The following PTPRT variants were observed in gnomAD, a reference collection of about 807,000 sequenced individuals.
PTPRT encodes protein tyrosine phosphatase receptor type T.
Under a neutral mutation model 176.8 loss-of-function variants are expected in PTPRT, and 56 were observed. The observed-to-expected ratio is 0.32, with a 90% confidence interval of 0.26 to 0.40. The LOEUF is 0.40. Among genes scored for constraint, PTPRT ranks in the 10% least tolerant of loss-of-function variants. The pLI, the probability that PTPRT is intolerant of heterozygous loss-of-function variation, is 1.00. For synonymous variants in PTPRT, 783 were observed against 739.0 expected, an observed-to-expected ratio of 1.06 and a Z score of -0.96; for missense variants, 1,540 against 1,908.2, an observed-to-expected ratio of 0.81 and a Z score of 3.60.
At chr20:42,856,076 C>G (rs867048817) in intron 2 of PTPRT, among the ~76,000 whole-genome samples, 30 of 152,104 alleles carry the variant, frequency 2.0e-4, no homozygotes, top group African/African-American at 7.2e-4. Context: ...GGTGAGCAAA[C>G]TGAAGCTTTA....
intron 6 of PTPRT, among the ~76,000 whole-genome samples, chr20:42,708,829 A>G (rs1380208804): frequency 6.6e-6 from 1 of 152,202 alleles, no homozygotes; most frequent in Non-Finnish European, 1.5e-5. Context: ...CAGTTTTACA[A>G]CACCTGAAAT....
In PTPRT at chr20:42,102,267, G is replaced by T. The variant is rs759164094; in HGVS notation, c.3571C>A (p.Pro1191Thr). The T allele has an allele frequency of 6.2e-7, 1 of 1,614,162 alleles. No individual in the cohort carries two copies. The highest frequency in any genetic ancestry group is 1.7e-5 in the Admixed American group (1 of 60,034). ...AGGAGCCCAATGCTGCAGTCCTCGGGCCGCACACGGGGTGTCACAATGTTG... is the reference window on the plus strand; with the variant it reads ...AGGAGCCCAATGCTGCAGTCCTCGGTCCGCACACGGGGTGTCACAATGTTG... The part of the protein sequence containing the change: ...TLNIVTPRVR[P>T]EDCSIGLLPR... Residue 1191 changes from proline (P) to threonine (T), a missense_variant, in exon 26 of 31, where the codon CCC becomes ACC. Transcript: ENST00000373187.
chr20:42,032,679 A>T, the PTPRT span, among the ~76,000 whole-genome samples: 2 of 152,200 alleles, frequency 1.3e-5, no homozygotes, highest in African/African-American at 2.4e-5. Context: ...GAATGTCATT[A>T]GTGATGGATG....
chr20:42,992,350 T>C (rs1054208528), intron 1 of PTPRT, among the ~76,000 whole-genome samples: 1 of 152,234 alleles, frequency 6.6e-6, no homozygotes, highest in African/African-American at 2.4e-5. Flanking sequence ...CACATCCATG[T>C]TGCCTCACCT....
chr20:43,059,575 G>A lies in PTPRT; in HGVS notation c.88+130071C>T, dbSNP rs78042185. 6.1e-3 allele frequency among the ~76,000 whole-genome samples: 925 copies of A among 152,224 alleles called. 6 individuals carry two copies. Among genetic ancestry groups the A allele is most frequent in the Admixed American group, 0.01 (159 of 15,288 alleles). On this transcript the variant is annotated intron_variant, in intron 1 of 30. Transcript: ENST00000373187. ...CTCAGCAGAATGGCCTTTACCATCC[G>A]TATTTCTACCAACATTCTACTCAGC...
At chr20:42,755,572 A>AT (rs11480364) in intron 6 of PTPRT, among the ~76,000 whole-genome samples, 66,097 of 147,040 alleles carry the variant, frequency 0.45, 15,151 homozygotes, top group African/African-American at 0.58. Flanking sequence ...CTGTCAAACC[A>AT]TTTTTTTTTT....
At chr20:42,175,617 T>C (rs1250835848) in intron 16 of PTPRT, among the ~76,000 whole-genome samples, 1 of 152,158 alleles carries the variant, frequency 6.6e-6, no homozygotes, top group Non-Finnish European at 1.5e-5. Flanking sequence ...TGTATGCAAT[T>C]GTTGAACTCA....
chr20:42,934,552 G>A (rs930059236), intron 1 of PTPRT, among the ~76,000 whole-genome samples: 3 of 152,024 alleles, frequency 2.0e-5, no homozygotes, highest in Admixed American at 2.0e-4. Flanking sequence ...GCATCACTGG[G>A]GAATAATATG....
intron 9 of PTPRT, among the ~76,000 whole-genome samples, chr20:42,397,162 G>C (rs1471686504): frequency 6.6e-6 from 1 of 152,202 alleles, no homozygotes; most frequent in East Asian, 1.9e-4. Flanking sequence ...AAAAATGCTA[G>C]ACCTACGATG....
At chr20:42,440,246 C>A (rs963675582) in intron 9 of PTPRT, among the ~76,000 whole-genome samples, 6 of 151,962 alleles carry the variant, frequency 3.9e-5, no homozygotes, top group African/African-American at 1.5e-4. Context: ...AGCTTCACAG[C>A]AAAATTGAGC....
chr20:42,757,085 G>A (rs1162769243), intron 5 of PTPRT, among the ~76,000 whole-genome samples: 4 of 150,520 alleles, frequency 2.7e-5, no homozygotes, highest in African/African-American at 9.8e-5. Context: ...AAGGGCAGGA[G>A]TTTTCATGGC....
chr20:42,152,532 A>C (rs1251951573), intron 17 of PTPRT, among the ~76,000 whole-genome samples: 2 of 152,248 alleles, frequency 1.3e-5, no homozygotes, highest in Non-Finnish European at 2.9e-5. Context: ...ACACTCTTTA[A>C]AAGGCCCAAT....
intron 2 of PTPRT, among the ~76,000 whole-genome samples, chr20:42,826,523 G>A (rs1021110048): frequency 5.3e-5 from 8 of 152,196 alleles, no homozygotes; most frequent in African/African-American, 1.7e-4. Context: ...CAAACAGGGA[G>A]GGGAAAAGTG....
rs919773614 is a variant in PTPRT at position 42,077,928 on chromosome 20, C to G, written c.*2951G>C. The G allele has an allele frequency of 4.5e-5, 9 of 201,832 alleles. No homozygotes were observed. The highest frequency in any genetic ancestry group is 1.7e-3 in the Middle Eastern group (1 of 582). The allele number at this position is 201,832 out of a possible 1,614,324, so 12.5% of individuals were successfully genotyped here. A position where few individuals can be genotyped will look rare whatever the true frequency, so the allele number is the denominator to read the frequency against. On this transcript the variant is annotated 3_prime_UTR_variant, in exon 31 of 31. Coordinates refer to ENST00000373187, the MANE Select transcript of PTPRT (RefSeq NM_007050.6). ...GCCAGCTATTTCACCCCTTCCTGAG[C>G]AGAAAAAAATCTTAGGATTTGTGTT...
intron 23 of PTPRT, among the ~76,000 whole-genome samples, chr20:42,110,107 C>T (rs1388205976): frequency 1.2e-4 from 18 of 148,650 alleles, no homozygotes; most frequent in Non-Finnish European, 2.2e-4. Flanking sequence ...AGTGCAGTGG[C>T]GCGATCTTGG....
At chr20:42,127,312 G>T (rs1470278948) in intron 19 of PTPRT, among the ~76,000 whole-genome samples, 1 of 152,172 alleles carries the variant, frequency 6.6e-6, no homozygotes, top group African/African-American at 2.4e-5. Flanking sequence ...CACTGCTGGA[G>T]TTGCTGCCCA....
intron 1 of PTPRT, among the ~76,000 whole-genome samples, chr20:42,912,400 T>C (rs1351996524): frequency 6.6e-6 from 1 of 152,242 alleles, no homozygotes; most frequent in Non-Finnish European, 1.5e-5. Flanking sequence ...CATTTTATGA[T>C]TGGACTATTT....
chr20:42,627,784 A>G (rs1431044289), intron 7 of PTPRT, among the ~76,000 whole-genome samples: 4 of 151,772 alleles, frequency 2.6e-5, no homozygotes, highest in Admixed American at 2.6e-4. Flanking sequence ...CTTCTCCAAC[A>G]TTTTAGTTGC....
chr20:42,168,287 T>C (rs1413880400), intron 16 of PTPRT, among the ~76,000 whole-genome samples: 1 of 152,120 alleles, frequency 6.6e-6, no homozygotes, highest in East Asian at 1.9e-4. Flanking sequence ...TGTTCAAGGG[T>C]AACCATACTT....
Sources: allele counts gnomAD v4.1 joint callset (sites outside exome capture counted in the v4.1 genomes callset), GRCh38; gene constraint gnomAD v4.1.1; transcripts MANE v1.5; gene names NCBI Gene and HGNC (gene_info 2026-07-23, HGNC 2026-07-21).